Variants in TNRC18 observed in about 807,000 individuals in gnomAD.
The protein encoded by TNRC18 is trinucleotide repeat containing 18.
Under a neutral mutation model 226.7 loss-of-function variants are expected in TNRC18, and 69 were observed. The observed-to-expected ratio is 0.30, with a 90% CI of 0.25 to 0.37. The LOEUF (loss-of-function observed/expected upper bound fraction) is 0.37. Among genes scored for constraint, TNRC18 ranks in the 10% least tolerant of loss-of-function variants. The pLI, the probability that TNRC18 is intolerant of heterozygous loss-of-function variation, is 1.00. For missense variants in TNRC18, 4,754 were observed against 4,256.6 expected, an observed-to-expected ratio of 1.12 and a Z score of -3.25; for synonymous variants, 2,449 against 1,927.6, an observed-to-expected ratio of 1.27 and a Z score of -7.09.
At chr7:5,383,858 T>C (rs1779568536) in intron 5 of TNRC18, among the ~76,000 whole-genome samples, 1 of 151,378 alleles carries the variant, frequency 6.6e-6, no homozygotes, top group African/African-American at 2.4e-5. Context: ...AGTGGTGCAA[T>C]CATAGTTCAA....
At chr7:5,378,052 C>T (rs769736857) in intron 5 of TNRC18, 28 bp from the exon 6 acceptor site, 2 of 1,591,856 alleles carry the variant, frequency 1.3e-6, no homozygotes, top group South Asian at 1.1e-5. Flanking sequence ...GAAGTGAGCC[C>T]CCAGCCAGCA....
intron 2 of TNRC18, among the ~76,000 whole-genome samples, chr7:5,415,696 G>A (rs1381338522): frequency 1.3e-5 from 2 of 151,470 alleles, no homozygotes; most frequent in East Asian, 2.0e-4. Context: ...AAGACTCCAC[G>A]GTGTAGTTTT....
At chr7:5,372,115 T>C (rs569966507) in intron 10 of TNRC18, among the ~76,000 whole-genome samples, 1 of 151,468 alleles carries the variant, frequency 6.6e-6, no homozygotes, top group African/African-American at 2.4e-5. Flanking sequence ...TCACCCAGAC[T>C]GGAGTGCAGT....
chr7:5,353,178 C>T (rs1433496597), intron 16 of TNRC18, among the ~76,000 whole-genome samples: 1 of 152,198 alleles, frequency 6.6e-6, no homozygotes, highest in African/African-American at 2.4e-5. Context: ...CAATCTGTCC[C>T]TCCCGAGGCT....
At chr7:5,328,121 G>C (rs1464935567) in intron 19 of TNRC18, among the ~76,000 whole-genome samples, 1 of 152,170 alleles carries the variant, frequency 6.6e-6, no homozygotes, top group Non-Finnish European at 1.5e-5. Flanking sequence ...TGGAGGCTGA[G>C]ACAAGAGAAT....
Position 5,388,473 on chromosome 7 carries a change from G to T in TNRC18, c.1351C>A (p.Arg451Ser). 2.1e-6 allele frequency: 3 copies of T among 1,418,776 alleles called. No homozygotes were observed. Among genetic ancestry groups the T allele is most frequent in the South Asian group, 1.4e-5 (1 of 69,440 alleles). The allele number at this position is 1,418,776 out of a possible 1,614,324, so 87.9% of individuals were successfully genotyped here. Residue 451 changes from arginine (R) to serine (S), a missense_variant, in exon 5 of 30, where the codon CGC (arginine) becomes AGC (serine). By Grantham distance (110) the Arg-to-Ser change is moderately radical (BLOSUM62 -1). Transcript: ENST00000430969. The stretch of plus-strand genomic sequence containing the variant: ...TAGGCGCGGGGGTCCGGGGAGGCGC[G>T]TGTGGCCCGCACCGTGGGGGCATCC... ...PADAPTVRAT[R>S]ASPDPRAYVP...
chr7:5,363,018 G>A (rs908168143), intron 11 of TNRC18, among the ~76,000 whole-genome samples, 193 bp from the exon 12 acceptor site: 26 of 152,258 alleles, frequency 1.7e-4, no homozygotes, highest in African/African-American at 6.3e-4. Context: ...AGAAGGCCAG[G>A]CATGGTGGCT....
rs541947512 is a variant in TNRC18 at position 5,384,475 on chromosome 7, C to T, written c.2152+3197G>A. Among the ~76,000 whole-genome samples the T allele has an allele frequency of 2.0e-5, 3 of 152,270 alleles. No individual in the cohort carries two copies. The South Asian group carries it at 6.2e-4, about 32-fold the overall frequency. ...GCTTCAGATAAATCCCCAAACATCTCATCCCAAACCTCTGGCACACCCTCC... is the reference window on the plus strand; with the variant it reads ...GCTTCAGATAAATCCCCAAACATCTTATCCCAAACCTCTGGCACACCCTCC... On this transcript the variant is annotated intron_variant, in intron 5 of 29. Transcript: ENST00000430969.
chr7:5,361,644 G>T lies in TNRC18; in HGVS notation c.4611C>A (p.Ser1537Arg). 6.4e-7 allele frequency: 1 copy of T among 1,553,238 alleles called. No homozygotes were observed. The highest frequency in any genetic ancestry group is 8.7e-7 in the Non-Finnish European group (1 of 1,150,700). The change falls in exon 14 of 30, where the codon AGC becomes AGA. Residue 1537 changes from serine to arginine, a missense_variant. Physicochemically the swap from Ser to Arg is moderately radical, Grantham distance 110. Transcript: ENST00000430969. ...CTCTCTTGCGGGGGGGCGACAGGGC[G>T]CTCGGGGCGTGGGTCCGTTTCCGCG... ...GRPRKRTHAP[S>R]ALSPPRKRGK...
chr7:5,386,380 C>A lies in TNRC18; in HGVS notation c.2152+1292G>T, dbSNP rs938685284. ...TCATCTGAGGTCAGAAGTTTGAGACCAGCCTGGCCAACATGGCAAAACCCC... is the reference window on the plus strand; with the variant it reads ...TCATCTGAGGTCAGAAGTTTGAGACAAGCCTGGCCAACATGGCAAAACCCC... On this transcript the variant is annotated intron_variant, in intron 5 of 29. Transcript: ENST00000430969. Among the ~76,000 whole-genome samples, 3 of 152,048 alleles carry A rather than the reference C, an allele frequency of 2.0e-5. No homozygotes were observed. The South Asian group carries it at 6.2e-4, about 32-fold the overall frequency.
intron 2 of TNRC18, among the ~76,000 whole-genome samples, chr7:5,418,598 G>C (rs1301283003): frequency 2.0e-5 from 3 of 152,184 alleles, no homozygotes; most frequent in African/African-American, 7.2e-5. Flanking sequence ...CCTCTCCCTA[G>C]CTGGGTGACC....
chr7:5,320,481 G>A (rs1788236595), intron 23 of TNRC18, 51 bp downstream of exon 23: 12 of 1,568,794 alleles, frequency 7.6e-6, no homozygotes, highest in Admixed American at 3.7e-5. Context: ...CCATGGCCTT[G>A]GACACCCAGC....
chr7:5,354,700 A>C (rs1792159983), intron 16 of TNRC18, among the ~76,000 whole-genome samples: 1 of 152,102 alleles, frequency 6.6e-6, no homozygotes, highest in African/African-American at 2.4e-5. Flanking sequence ...ACCCACAGGG[A>C]GCATGAGTCC....
In TNRC18 at chr7:5,315,919, C is replaced by G. The variant is rs565775776; in HGVS notation, c.6862+37G>C. 4.1e-5 allele frequency: 61 copies of G among 1,503,758 alleles called. No homozygotes were observed. In the South Asian group the frequency reaches 7.6e-4, roughly 19 times the overall value. The allele number at this position is 1,503,758 out of a possible 1,614,324, so 93.2% of individuals were successfully genotyped here. A position where few individuals can be genotyped will look rare whatever the true frequency, so the allele number is the denominator to read the frequency against. On this transcript the variant is annotated intron_variant, in intron 25 of 29. Transcript: ENST00000430969. ...GGGCGAGAGCCTGGGTGGGCGGCCCCTGGCAGGAGACCGGGTGTCATGAGC... is the reference window on the plus strand; with the variant it reads ...GGGCGAGAGCCTGGGTGGGCGGCCCGTGGCAGGAGACCGGGTGTCATGAGC...
chr7:5,353,046 T>G (rs1791993103), intron 16 of TNRC18, among the ~76,000 whole-genome samples: 1 of 145,306 alleles, frequency 6.9e-6, no homozygotes, highest in African/African-American at 2.6e-5. Flanking sequence ...AAGCTTTCAC[T>G]CCAGCAAGAC....
chr7:5,316,137 G>GAGC, intron 24 of TNRC18, 65 bp from the exon 25 acceptor site: 2 of 1,320,630 alleles, frequency 1.5e-6, no homozygotes, highest in Non-Finnish European at 2.1e-6. Context: ...ACGCACAAGG[G>GAGC]TCAGGATGGC....
chr7:5,372,404 G>A (rs954660134), intron 10 of TNRC18, among the ~76,000 whole-genome samples: 2 of 150,008 alleles, frequency 1.3e-5, no homozygotes, highest in Non-Finnish European at 3.0e-5. Flanking sequence ...TATATTTTTA[G>A]TAGAGACGGG....
chr7:5,420,118 G>A (rs1782458260), intron 2 of TNRC18: 11 of 315,244 alleles, frequency 3.5e-5, no homozygotes, highest in South Asian at 2.5e-4. Context: ...CCACCCCTCT[G>A]GCTGCAGCGG....
rs370763806 is a variant in TNRC18, at chr7:5,374,479, C to T, written c.2805G>A (p.Glu935=). 100 of 1,546,398 alleles carry T rather than the reference C, an allele frequency of 6.5e-5. 1 individual carries two copies. In the Middle Eastern group the frequency reaches 1.3e-3, roughly 19 times the overall value. Residue 935 remains glutamate (E), a synonymous_variant, in exon 10 of 30, where the codon GAG becomes GAA. Coordinates refer to ENST00000430969, the MANE Select transcript of TNRC18 (RefSeq NM_001080495.3). ...ELQRSAQLVQ[E]RLKAQEHRAE... ...CCCGGTGCTCCTGCGCCTTCAACCG[C>T]TCCTGCTGGGAAGGGGCCGGCAGGC...
Sources: gnomAD v4.1 joint callset for allele counts (sites outside exome capture counted in the v4.1 genomes callset) on GRCh38, gnomAD v4.1.1 for gene constraint, MANE v1.5 for transcripts, NCBI Gene and HGNC (gene_info 2026-07-23, HGNC 2026-07-21) for gene names.